The following NFIB variants were observed in gnomAD, a reference collection of about 807,000 sequenced individuals.
NFIB encodes the protein nuclear factor 1 B-type.
A neutral mutation model predicts 61.5 loss-of-function variants in NFIB; 11 were observed. The ratio of observed to expected loss-of-function variants is 0.18; its 90% CI spans 0.11 to 0.30. The LOEUF (loss-of-function observed/expected upper bound fraction) is 0.30, where lower values mean the gene tolerates loss of function less well. Ranked by LOEUF, NFIB falls within the 10% of genes least tolerant of loss-of-function variation. The pLI is 1.00. For missense variants in NFIB, 471 were observed against 608.9 expected, an observed-to-expected ratio of 0.77 and a Z score of 2.38; for synonymous variants, 260 against 216.5, an observed-to-expected ratio of 1.20 and a Z score of -1.76.
intron 1 of NFIB, among the ~76,000 whole-genome samples, chr9:14,373,117 A>T (rs1371616211): frequency 6.6e-6 from 1 of 152,188 alleles, no homozygotes; most frequent in Non-Finnish European, 1.5e-5. Flanking sequence ...AGCAAAGGGA[A>T]CACTGGAGAA....
chr9:14,231,875 T>C lies in NFIB; in HGVS notation c.563-52095A>G, dbSNP rs541096311. ...TGTTGGAGTCTAAAACAAGAATGGG[T>C]TAACAAAAGCAAGGAGGAAAAAAAT... On this transcript the variant is annotated intron_variant, in intron 2 of 10. Coordinates refer to ENST00000380953, the MANE Select transcript of NFIB (RefSeq NM_001190737.2). Among the ~76,000 whole-genome samples, 3 of 152,302 alleles carry C rather than the reference T, an allele frequency of 2.0e-5. No individual in the cohort carries two copies. In the South Asian group the frequency reaches 6.2e-4, roughly 32 times the overall value.
At chr9:14,458,017 T>C in the NFIB span, among the ~76,000 whole-genome samples, 1 of 152,182 alleles carries the variant, frequency 6.6e-6, no homozygotes, top group Non-Finnish European at 1.5e-5. Context: ...ATTCACTTTA[T>C]GAGGCCAGCA....
intron 3 of NFIB, among the ~76,000 whole-genome samples, chr9:14,161,398 A>G (rs1587169074): frequency 6.6e-6 from 1 of 152,218 alleles, no homozygotes; most frequent in African/African-American, 2.4e-5. Context: ...CACGAGGATG[A>G]TTTAGGTGAT....
At chr9:14,268,510 C>T (rs1043892930) in intron 2 of NFIB, among the ~76,000 whole-genome samples, 1 of 152,184 alleles carries the variant, frequency 6.6e-6, no homozygotes, top group African/African-American at 2.4e-5. Context: ...TTTTCTTGTG[C>T]TGTTTCCTGC....
chr9:14,146,120 T>C (rs57386160), intron 6 of NFIB, among the ~76,000 whole-genome samples: 7,431 of 152,208 alleles, frequency 0.049, 622 homozygotes, highest in African/African-American at 0.17. Flanking sequence ...TCAATACCCA[T>C]TTCTTAAAGT....
At chr9:14,377,530 T>C (rs1370967880) in intron 1 of NFIB, among the ~76,000 whole-genome samples, 2 of 152,230 alleles carry the variant, frequency 1.3e-5, no homozygotes, top group Non-Finnish European at 2.9e-5. Flanking sequence ...AGAATGCTTT[T>C]CATCAGCACC....
At chr9:14,101,704 G>A (rs962672804) in intron 10 of NFIB, among the ~76,000 whole-genome samples, 2 of 152,152 alleles carry the variant, frequency 1.3e-5, no homozygotes, top group African/African-American at 2.4e-5. Flanking sequence ...ATACATAAGC[G>A]CAGCTGACTT....
At chr9:14,376,699 G>T (rs2061424013) in intron 1 of NFIB, among the ~76,000 whole-genome samples, 2 of 151,836 alleles carry the variant, frequency 1.3e-5, no homozygotes, top group South Asian at 4.2e-4. Flanking sequence ...ATATTTTTGG[G>T]TAGAGACAGG....
chr9:14,097,875 C>CTTTTCT (rs765236774), intron 10 of NFIB, among the ~76,000 whole-genome samples: 1 of 110,838 alleles, frequency 9.0e-6, no homozygotes, highest in East Asian at 2.7e-4. Context: ...TTTCTTTTTT[C>CTTTTCT]TTTTTTTTTT....
chr9:14,381,729 C>T (rs2061491543), intron 1 of NFIB, among the ~76,000 whole-genome samples: 1 of 152,166 alleles, frequency 6.6e-6, no homozygotes, highest in Non-Finnish European at 1.5e-5. Context: ...CAACATCAGG[C>T]AAGAACAGTA....
the NFIB span, among the ~76,000 whole-genome samples, chr9:14,443,051 C>T: frequency 1.6e-5 from 2 of 121,732 alleles, no homozygotes; most frequent in African/African-American, 6.1e-5. Flanking sequence ...CCCGCCATGA[C>T]TCTTCTGCCT....
Position 14,330,783 on chromosome 9 carries a change from T to A in NFIB, c.109-23263A>T, listed in dbSNP as rs191782725. On this transcript the variant is annotated intron_variant, in intron 1 of 8. Coordinates refer to the NFIB transcript ENST00000380934. ...AGAAGCTCGTACATTATGTACATGT[T>A]GAGTCTACAGTTACTCTCTTGGTGG... is the stretch of plus-strand genomic sequence containing the variant. Among the ~76,000 whole-genome samples the A allele has an allele frequency of 2.3e-3, 356 of 152,246 alleles. 4 individuals are homozygous for A. Among genetic ancestry groups the A allele is most frequent in the African/African-American group, 8.0e-3 (332 of 41,554 alleles).
At chr9:14,434,002 C>T in the NFIB span, among the ~76,000 whole-genome samples, 15 of 152,270 alleles carry the variant, frequency 9.9e-5, no homozygotes, top group South Asian at 2.1e-4. Flanking sequence ...AACCACTATA[C>T]GATCACGGCA....
intron 2 of NFIB, chr9:14,300,288 T>C (rs781363512): frequency 1.8e-5 from 7 of 398,234 alleles, no homozygotes; most frequent in East Asian, 3.6e-5. Context: ...TCCGATCGCA[T>C]AACCACTAGT....
intron 8 of NFIB, among the ~76,000 whole-genome samples, chr9:14,118,768 C>CTTTTTTT (rs35334290): frequency 3.1e-5 from 4 of 129,034 alleles, no homozygotes; most frequent in African/African-American, 8.5e-5. Flanking sequence ...TTTTCTTTTT[C>CTTTTTTT]TTTTTTTTTT....
chr9:14,316,574 G>C (rs1044417044), upstream of NFIB, among the ~76,000 whole-genome samples: 1 of 152,248 alleles, frequency 6.6e-6, no homozygotes. Context: ...CTGGGATAAA[G>C]TTGGCAGTCT....
chr9:14,229,970 A>C (rs2052916362), intron 2 of NFIB, among the ~76,000 whole-genome samples: 1 of 152,000 alleles, frequency 6.6e-6, no homozygotes, highest in South Asian at 2.1e-4. Flanking sequence ...CCGGCTAATT[A>C]TTTTGTATTT....
At chr9:14,168,259 G>C (rs1327485449) in intron 3 of NFIB, among the ~76,000 whole-genome samples, 2 of 152,174 alleles carry the variant, frequency 1.3e-5, no homozygotes, top group Non-Finnish European at 2.9e-5. Flanking sequence ...GGTAGGCATT[G>C]CCTTGGATGA....
At chr9:14,487,925 A>G in the NFIB span, among the ~76,000 whole-genome samples, 1 of 152,146 alleles carries the variant, frequency 6.6e-6, no homozygotes, top group Non-Finnish European at 1.5e-5. Flanking sequence ...AGGTCCTGTG[A>G]AATGGGTTAG....
Sources: gnomAD v4.1 joint callset for allele counts (sites outside exome capture counted in the v4.1 genomes callset) on GRCh38, gnomAD v4.1.1 for gene constraint, MANE v1.5 for transcripts, NCBI Gene and HGNC (gene_info 2026-07-23, HGNC 2026-07-21) for gene names.